Variants in PTPRD observed in about 807,000 individuals in gnomAD.
PTPRD encodes the protein receptor-type tyrosine-protein phosphatase delta.
PTPRD carries 34 observed loss-of-function variants against 214.5 expected under a neutral mutation model. That is an observed-to-expected ratio of 0.16 (90% CI 0.12 to 0.21). PTPRD has a LOEUF of 0.21. Among genes scored for constraint, PTPRD ranks in the 10% least tolerant of loss-of-function variants. The pLI is 1.00. For missense variants in PTPRD, 2,545 were observed against 2,398.7 expected (o/e 1.06, Z -1.27); for synonymous variants, 1,128 against 845.7 (o/e 1.33, Z -5.79).
intron 6 of PTPRD, among the ~76,000 whole-genome samples, chr9:9,742,399 G>A (rs2098413376): frequency 6.6e-6 from 1 of 152,072 alleles, no homozygotes; most frequent in South Asian, 2.1e-4. Context: ...AATGTATGCA[G>A]AATACTCAAA....
chr9:9,003,211 C>G (rs1459489036), intron 11 of PTPRD, among the ~76,000 whole-genome samples: 3 of 152,014 alleles, frequency 2.0e-5, no homozygotes, highest in Non-Finnish European at 2.9e-5. Flanking sequence ...TTGAAAGTAA[C>G]TGCCTCACCC....
At chr9:10,517,644 C>A (rs980174628) in intron 2 of PTPRD, among the ~76,000 whole-genome samples, 2 of 151,930 alleles carry the variant, frequency 1.3e-5, no homozygotes, top group Non-Finnish European at 2.9e-5. Context: ...ATAGTTATAG[C>A]TGTCTATATA....
In PTPRD at chr9:9,607,745, T is replaced by TAAA. The variant is rs61080071; in HGVS notation, c.-286-32967_-286-32965dup. On this transcript the variant is annotated intron_variant, in intron 7 of 45. Transcript: ENST00000381196. ...TATAATACAAAGAATAGACTGTTAG[T>TAAA]AAAAAAAAAAAAAAAAATTCATTGG... Among the ~76,000 whole-genome samples, 468 of 140,750 alleles carry TAAA rather than the reference T, an allele frequency of 3.3e-3. 3 individuals carry two copies. The highest frequency in any genetic ancestry group is 0.012 in the African/African-American group (449 of 38,010). The allele number at this position is 140,750 out of a possible 152,430, so 92.3% of individuals were successfully genotyped here.
intron 5 of PTPRD, among the ~76,000 whole-genome samples, chr9:9,863,998 G>A (rs534154253): frequency 6.6e-6 from 1 of 152,246 alleles, no homozygotes; most frequent in Non-Finnish European, 1.5e-5. Flanking sequence ...TGTTCCATAT[G>A]AGGCCTAGTA....
At chr9:10,463,282 A>G (rs2098971540) in intron 2 of PTPRD, among the ~76,000 whole-genome samples, 1 of 152,106 alleles carries the variant, frequency 6.6e-6, no homozygotes, top group African/African-American at 2.4e-5. Flanking sequence ...AGTGATTGGG[A>G]GAACTATATA....
chr9:10,380,028 T>C (rs2097790104), intron 2 of PTPRD, among the ~76,000 whole-genome samples: 1 of 152,044 alleles, frequency 6.6e-6, no homozygotes, highest in African/African-American at 2.4e-5. Context: ...GGCACAAGCA[T>C]TACTCACAGC....
chr9:9,060,920 T>A (rs182725288), intron 10 of PTPRD, among the ~76,000 whole-genome samples: 2,800 of 152,258 alleles, frequency 0.018, 91 homozygotes, highest in Admixed American at 0.074. Context: ...AAATTTTTTT[T>A]AAAAAAGCAA....
intron 3 of PTPRD, among the ~76,000 whole-genome samples, chr9:10,094,314 CAG>C (rs1373936200): frequency 1.3e-5 from 2 of 151,066 alleles, no homozygotes; most frequent in Non-Finnish European, 3.0e-5. Context: ...ACTCACAAGT[CAG>C]AGTCACTGGA....
intron 11 of PTPRD, among the ~76,000 whole-genome samples, chr9:8,802,949 G>A (rs758746924): frequency 1.3e-5 from 2 of 152,040 alleles, no homozygotes; most frequent in Admixed American, 1.3e-4. Flanking sequence ...CTACTTGGGA[G>A]GCTGAGGTTA....
intron 7 of PTPRD, among the ~76,000 whole-genome samples, chr9:9,693,485 T>G (rs1459238081): frequency 6.6e-6 from 1 of 152,182 alleles, no homozygotes; most frequent in African/African-American, 2.4e-5. Context: ...GTCATTTAAA[T>G]GTCTTTTCTT....
At position 8,485,187 on chromosome 9, in the gene PTPRD, C is replaced by T. The variant is rs200747073; in HGVS notation, c.3153+40G>A. 2.6e-6 allele frequency: 4 copies of T among 1,567,198 alleles called. No individual in the cohort carries two copies. The Admixed American group carries it at 5.0e-5, about 20-fold the overall frequency. ...TTACCCAGATAAACTGTCCCCTCTA[C>T]TTTTATCTGTGATTTCTTACAAATT... is the stretch of plus-strand genomic sequence containing the variant. On this transcript the variant is annotated intron_variant, in intron 29 of 45. Transcript: ENST00000381196.
At chr9:10,537,014 A>G (rs2057964242) in intron 2 of PTPRD, among the ~76,000 whole-genome samples, 1 of 152,134 alleles carries the variant, frequency 6.6e-6, no homozygotes, top group Admixed American at 6.6e-5. Context: ...AAACTATCCC[A>G]TAATTGGGTT....
In PTPRD at chr9:8,341,734, C is replaced by G. The variant is rs1852673710; in HGVS notation, c.4906G>C (p.Glu1636Gln). The G allele has an allele frequency of 1.2e-6, 2 of 1,613,528 alleles. No homozygotes were observed. The highest frequency in any genetic ancestry group is 1.1e-5 in the South Asian group (1 of 91,060). Reference protein sequence around the residue: ...YAYIQKLTQIETGENVTGMEL... With the variant: ...YAYIQKLTQIQTGENVTGMEL... ...ATTCCTGTGACATTCTCTCCCGTTT[C>G]TATTTGTGTCAGCTTCTGAATGTAG... The change falls in exon 40 of 46, where the codon GAA (glutamate) becomes CAA (glutamine). Residue 1636 changes from glutamate (E) to glutamine (Q), a missense_variant. Glu to Gln is a conservative substitution (Grantham distance 29). Coordinates refer to ENST00000381196, the MANE Select transcript of PTPRD (RefSeq NM_002839.4).
At chr9:9,337,471 T>C (rs568159150) in intron 9 of PTPRD, among the ~76,000 whole-genome samples, 1 of 152,170 alleles carries the variant, frequency 6.6e-6, no homozygotes, top group Admixed American at 6.5e-5. Context: ...CAGTTACAAT[T>C]TTCTTCCCAT....
chr9:9,872,234 T>G (rs2153715387), intron 5 of PTPRD, among the ~76,000 whole-genome samples: 1 of 152,236 alleles, frequency 6.6e-6, no homozygotes, highest in East Asian at 1.9e-4. Context: ...GCAGCCAGCT[T>G]GCAAATTGAA....
intron 5 of PTPRD, among the ~76,000 whole-genome samples, chr9:9,823,013 A>G (rs2051328557): frequency 6.6e-6 from 1 of 152,042 alleles, no homozygotes; most frequent in Admixed American, 6.6e-5. Context: ...AGGTTTCTAC[A>G]CTCTCCAATT....
chr9:8,694,463 T>C (rs1197074544), intron 12 of PTPRD, among the ~76,000 whole-genome samples: 2 of 152,104 alleles, frequency 1.3e-5, no homozygotes, highest in Admixed American at 6.5e-5. Flanking sequence ...CCCACTGAAA[T>C]AGAAATGTTC....
chr9:9,429,594 AC>A (rs2082281036), intron 8 of PTPRD, among the ~76,000 whole-genome samples: 2 of 152,202 alleles, frequency 1.3e-5, no homozygotes, highest in Admixed American at 1.3e-4. Context: ...CAGAGAAAAA[AC>A]AAAAAAAGAG....
At chr9:8,478,980 A>AT (rs2096825305) in intron 30 of PTPRD, among the ~76,000 whole-genome samples, 1 of 152,088 alleles carries the variant, frequency 6.6e-6, no homozygotes, top group Non-Finnish European at 1.5e-5. Flanking sequence ...AATAGGAAGC[A>AT]TTTTTCTGGA....
Sources: gnomAD v4.1 joint callset for allele counts (sites outside exome capture counted in the v4.1 genomes callset) on GRCh38, gnomAD v4.1.1 for gene constraint, MANE v1.5 for transcripts, NCBI Gene and HGNC (gene_info 2026-07-23, HGNC 2026-07-21) for gene names.